The following C4orf51 variants were observed in gnomAD, a reference collection of about 807,000 sequenced individuals.
The protein encoded by C4orf51 is chromosome 4 open reading frame 51, also known as uncharacterized protein C4orf51.
Under a neutral mutation model 25.2 loss-of-function variants are expected in C4orf51, and 25 were observed. The observed-to-expected ratio is 0.99, with a 90% CI of 0.72 to 1.39. C4orf51 has a LOEUF of 1.39. Ranked by LOEUF, C4orf51 falls within the 40% of genes most tolerant of loss-of-function variation. The probability of loss-of-function intolerance (pLI) is 0.00; values close to 1 mark genes in which losing one functional copy is unlikely to be tolerated. For missense variants in C4orf51, 252 were observed against 239.6 expected (o/e 1.05, Z -0.34); for synonymous variants, 100 against 84.5 (o/e 1.18, Z -1.01).
chr4:145,717,704 T>G (rs958058781), intron 2 of C4orf51, among the ~76,000 whole-genome samples: 3 of 152,202 alleles, frequency 2.0e-5, no homozygotes, highest in Admixed American at 6.5e-5. Context: ...GTTCTCAAAT[T>G]CCTTTTCACA....
At chr4:145,730,595 T>C (rs1732404201) in intron 5 of C4orf51, among the ~76,000 whole-genome samples, 1 of 152,196 alleles carries the variant, frequency 6.6e-6, no homozygotes, top group Non-Finnish European at 1.5e-5. Context: ...CTATTTTTGC[T>C]ATTCTATTAC....
At chr4:145,781,195 C>CAAAAAAAAAAAA in the C4orf51 span, among the ~76,000 whole-genome samples, 73 of 56,546 alleles carry the variant, frequency 1.3e-3, no homozygotes, top group Non-Finnish European at 1.4e-3. Context: ...GACACCATCT[C>CAAAAAAAAAAAA]AAAAAAAAAA....
In C4orf51 at chr4:145,729,881, C is replaced by G. The variant is rs1046120996; in HGVS notation, c.428-11C>G. The G allele has an allele frequency of 9.9e-6, 16 of 1,611,930 alleles. No homozygotes were observed. The highest frequency in any genetic ancestry group is 1.4e-5 in the Non-Finnish European group (16 of 1,178,014). ...GCAAACACTCACACATTGGCTATCT[C>G]TTCACCCTAGGTGTGAGACCTAAAA... is the stretch of plus-strand genomic sequence containing the variant. On this transcript the variant is annotated splice_polypyrimidine_tract_variant and intron_variant, in intron 4 of 5. Transcript: ENST00000438731.
At chr4:145,708,012 AG>A (rs1198992101) in intron 2 of C4orf51, among the ~76,000 whole-genome samples, 1 of 152,188 alleles carries the variant, frequency 6.6e-6, no homozygotes, top group Non-Finnish European at 1.5e-5. Flanking sequence ...TTCTGGCAGA[AG>A]GGGCAAGCCA....
At chr4:145,757,385 C>G (rs973950205), downstream of C4orf51, among the ~76,000 whole-genome samples, 2 of 152,204 alleles carry the variant, frequency 1.3e-5, no homozygotes, top group African/African-American at 4.8e-5. Context: ...TGGCCTGCCA[C>G]TGTCCTGAAT....
chr4:145,749,065 G>GTATATATATA (rs70956871), intron 1 of C4orf51, among the ~76,000 whole-genome samples: 1 of 116,112 alleles, frequency 8.6e-6, no homozygotes, highest in Admixed American at 8.6e-5. Flanking sequence ...GTGTGTGTGT[G>GTATATATATA]TATATATATA....
chr4:145,733,116 G>C (rs1290867571), downstream of C4orf51, among the ~76,000 whole-genome samples: 2 of 152,026 alleles, frequency 1.3e-5, no homozygotes, highest in African/African-American at 4.8e-5. Flanking sequence ...TCCCTCGGTA[G>C]GCTGCCTGCG....
chr4:145,713,722 G>A (rs1731253799), intron 2 of C4orf51, among the ~76,000 whole-genome samples: 1 of 152,148 alleles, frequency 6.6e-6, no homozygotes, highest in African/African-American at 2.4e-5. Context: ...GGTTTGAGAT[G>A]ATTGATTCCA....
rs569257775 is a variant in C4orf51, at chr4:145,761,631, C to A, written n.167-9357C>A. ...GGAAAGCAACGCAAGGGAGGTTCAGCCGGGAAGGTTCGGAGGCAGCCGCGC... is the reference window on the plus strand; with the variant it reads ...GGAAAGCAACGCAAGGGAGGTTCAGACGGGAAGGTTCGGAGGCAGCCGCGC... On this transcript the variant is annotated intron_variant and non_coding_transcript_variant, in intron 1 of 1. Coordinates refer to the C4orf51 transcript ENST00000510096. The surrounding 1 kb of genome is among the most constrained non-coding windows in gnomAD (Gnocchi z 6.8). The A allele has an allele frequency of 8.3e-7, 1 of 1,209,346 alleles. No homozygotes were observed. Among genetic ancestry groups the A allele is most frequent in the South Asian group, 1.4e-5 (1 of 70,784 alleles). The allele number at this position is 1,209,346 out of a possible 1,614,324, so 74.9% of individuals were successfully genotyped here. A position where few individuals can be genotyped will look rare whatever the true frequency, so the allele number is the denominator to read the frequency against.
intron 1 of C4orf51, among the ~76,000 whole-genome samples, chr4:145,742,511 C>T (rs985233240): frequency 2.0e-5 from 3 of 150,748 alleles, no homozygotes; most frequent in East Asian, 1.9e-4. Flanking sequence ...GTTTTCTACA[C>T]GACAGCATTT....
intron 2 of C4orf51, among the ~76,000 whole-genome samples, chr4:145,724,366 G>A (rs924785757): frequency 1.1e-4 from 17 of 151,902 alleles, no homozygotes; most frequent in Non-Finnish European, 2.1e-4. Flanking sequence ...CTAAGTAATT[G>A]TTAAGCTCTT....
chr4:145,755,686 C>A (rs939543526), downstream of C4orf51, among the ~76,000 whole-genome samples: 3 of 152,202 alleles, frequency 2.0e-5, no homozygotes, highest in African/African-American at 7.2e-5. Context: ...GGAGTCACCC[C>A]ACTTCACTTA....
chr4:145,732,627 GC>G lies in C4orf51; in HGVS notation c.*70del. ...TTAATAAACAACTTTGAGGTATGGGGCCCTCCCAACACCCTCCCCCCACCCG... is the reference window on the plus strand; with the variant it reads ...TTAATAAACAACTTTGAGGTATGGGGCCTCCCAACACCCTCCCCCCACCCG... On this transcript the variant is annotated 3_prime_UTR_variant, in exon 6 of 6. Transcript: ENST00000438731. 8.8e-7 allele frequency: 1 copy of G among 1,136,734 alleles called. No homozygotes were observed. Among genetic ancestry groups the G allele is most frequent in the Non-Finnish European group, 1.3e-6 (1 of 782,266 alleles). The allele number at this position is 1,136,734 out of a possible 1,614,324, so 70.4% of individuals were successfully genotyped here.
chr4:145,769,052 A>G (rs1438476232), intron 1 of C4orf51, among the ~76,000 whole-genome samples: 4 of 151,060 alleles, frequency 2.6e-5, no homozygotes, highest in African/African-American at 9.7e-5. Context: ...AAGTTTTTAA[A>G]AAGAGAAAGG....
At chr4:145,689,496 GAA>G (rs1729398137) in intron 1 of C4orf51, among the ~76,000 whole-genome samples, 1 of 151,880 alleles carries the variant, frequency 6.6e-6, no homozygotes, top group South Asian at 2.1e-4. Flanking sequence ...AGAAAAATAG[GAA>G]AGAGACTTCA....
downstream of C4orf51, chr4:145,775,705 A>G (rs1239597461): frequency 2.6e-6 from 4 of 1,510,196 alleles, no homozygotes; most frequent in Non-Finnish European, 3.6e-6. Flanking sequence ...GGGCCTCGTG[A>G]TGTATGCCCA....
At chr4:145,718,844 G>A (rs1731561290) in intron 2 of C4orf51, among the ~76,000 whole-genome samples, 1 of 152,188 alleles carries the variant, frequency 6.6e-6, no homozygotes, top group Non-Finnish European at 1.5e-5. Context: ...TACACGTGCT[G>A]TAATCTTTGC....
chr4:145,705,824 A>G (rs372912951), intron 2 of C4orf51, among the ~76,000 whole-genome samples: 4 of 152,162 alleles, frequency 2.6e-5, no homozygotes, highest in African/African-American at 9.7e-5. Flanking sequence ...GAATTAGAAG[A>G]ATGCCAAGCC....
intron 2 of C4orf51, among the ~76,000 whole-genome samples, chr4:145,713,981 C>G (rs1336799699): frequency 6.6e-6 from 1 of 152,124 alleles, no homozygotes; most frequent in Non-Finnish European, 1.5e-5. Context: ...CGGAGTTTCA[C>G]TATGTTGGCT....
Sources: gnomAD v4.1 joint callset for allele counts (sites outside exome capture counted in the v4.1 genomes callset) on GRCh38, gnomAD v4.1.1 for gene constraint, Gnocchi (gnomAD v3.1) non-coding constraint, MANE v1.5 for transcripts, NCBI Gene and HGNC (gene_info 2026-07-23, HGNC 2026-07-21) for gene names.